The following AKAP8L variants were observed in gnomAD, a reference collection of about 807,000 sequenced individuals.
AKAP8L encodes the protein A-kinase anchor protein 8-like.
Under a neutral mutation model 77.5 loss-of-function variants are expected in AKAP8L, and 34 were observed. That is an observed-to-expected ratio of 0.44 (90% CI 0.33 to 0.58). AKAP8L has a LOEUF of 0.58. Among genes scored for constraint, AKAP8L ranks in the 20% least tolerant of loss-of-function variants. The pLI is 0.02. For missense variants in AKAP8L, 806 were observed against 887.6 expected, an observed-to-expected ratio of 0.91 and a Z score of 1.17; for synonymous variants, 342 against 340.7, an observed-to-expected ratio of 1.00 and a Z score of -0.04.
At chr19:15,416,055 G>C (rs1968201680) in intron 1 of AKAP8L, among the ~76,000 whole-genome samples, 1 of 151,816 alleles carries the variant, frequency 6.6e-6, no homozygotes, top group Non-Finnish European at 1.5e-5. Flanking sequence ...TCAAACTCCT[G>C]GCCTCAAGCA....
intron 1 of AKAP8L, among the ~76,000 whole-genome samples, chr19:15,418,250 T>C (rs1968247387): frequency 6.6e-6 from 1 of 152,230 alleles, no homozygotes; most frequent in East Asian, 1.9e-4. Flanking sequence ...AATTCTTGTC[T>C]GTATTCCCAA....
intron 12 of AKAP8L, among the ~76,000 whole-genome samples, chr19:15,386,307 G>T (rs923770831): frequency 1.3e-5 from 2 of 152,172 alleles, no homozygotes; most frequent in Admixed American, 1.3e-4. Context: ...GGTTTAAGAA[G>T]CTTCCTAAAT....
Position 15,401,684 on chromosome 19 carries a change from C to A in AKAP8L, c.363-81G>T. 6.8e-6 allele frequency: 8 copies of A among 1,175,022 alleles called. No individual in the cohort carries two copies. Among genetic ancestry groups the A allele is most frequent in the Non-Finnish European group, 9.5e-6 (8 of 844,134 alleles). The allele number at this position is 1,175,022 out of a possible 1,614,324, so 72.8% of individuals were successfully genotyped here. On this transcript the variant is annotated intron_variant, in intron 4 of 13. Transcript: ENST00000397410. This position sits in a 1 kb window ranked among gnomAD's most constrained non-coding sequence, Gnocchi z 6.2. ...GGCAACTGCTCCTGCCCTCCCCAATCTCCCAGTCCAGCACCCACCCTGCCC... is the reference window on the plus strand; with the variant it reads ...GGCAACTGCTCCTGCCCTCCCCAATATCCCAGTCCAGCACCCACCCTGCCC...
At chr19:15,383,370 T>C (rs1368173338) in intron 12 of AKAP8L, 1 of 152,126 alleles carries the variant, frequency 6.6e-6, no homozygotes, top group Non-Finnish European at 1.5e-5. Context: ...CCACCATGCT[T>C]GGCTAATTTT....
At chr19:15,416,088 A>G (rs959378935) in intron 1 of AKAP8L, among the ~76,000 whole-genome samples, 12 of 151,992 alleles carry the variant, frequency 7.9e-5, no homozygotes, top group African/African-American at 2.9e-4. Context: ...CGGCCTCCCA[A>G]AGTGTTGTGA....
At chr19:15,400,549 T>TTTAA (rs1967871855) in intron 7 of AKAP8L, 191 bp from the exon 8 acceptor site, 1 of 721,982 alleles carries the variant, frequency 1.4e-6, no homozygotes, top group East Asian at 2.7e-5. Context: ...AAGGCCCGGC[T>TTTAA]ATGTGCCAGA....
At chr19:15,412,356 T>G (rs940077038) in intron 1 of AKAP8L, among the ~76,000 whole-genome samples, 92 of 152,042 alleles carry the variant, frequency 6.1e-4, no homozygotes, top group African/African-American at 2.2e-3. Context: ...CACTCAAGCC[T>G]GGGTAATAGA....
chr19:15,407,816 T>C lies in AKAP8L; in HGVS notation c.88+2704A>G, dbSNP rs535316988. 2.6e-3 allele frequency among the ~76,000 whole-genome samples: 390 copies of C among 152,348 alleles called. 1 individual carries two copies. Among genetic ancestry groups the C allele is most frequent in the Non-Finnish European group, 4.5e-3 (307 of 68,038 alleles). Reference sequence around the variant, plus strand: ...AATTTTCTCAAACTAATCTATAGATTCTACAGATTTGATAGATCTATAGAT... The same window carrying C: ...AATTTTCTCAAACTAATCTATAGATCCTACAGATTTGATAGATCTATAGAT... On this transcript the variant is annotated intron_variant, in intron 2 of 13. Coordinates refer to ENST00000397410, the MANE Select transcript of AKAP8L (RefSeq NM_014371.4).
intron 2 of AKAP8L, among the ~76,000 whole-genome samples, chr19:15,406,302 A>G (rs1016822882): frequency 7.4e-5 from 11 of 149,158 alleles, no homozygotes; most frequent in African/African-American, 2.7e-4. Flanking sequence ...CTGAAAGAAC[A>G]CCCCAACTCA....
chr19:15,417,805 A>G (rs1181549669), intron 1 of AKAP8L: 1 of 152,210 alleles, frequency 6.6e-6, no homozygotes, highest in South Asian at 2.1e-4. Context: ...CCCTCACCAA[A>G]CAGGGAGGCC....
At chr19:15,390,202 G>A (rs937579294) in intron 12 of AKAP8L, among the ~76,000 whole-genome samples, 1 of 152,036 alleles carries the variant, frequency 6.6e-6, no homozygotes, top group Admixed American at 6.6e-5. Context: ...GATCGCTTGA[G>A]TCCAGAAATT....
intron 1 of AKAP8L, among the ~76,000 whole-genome samples, chr19:15,414,247 G>T (rs1157380686): frequency 6.6e-6 from 1 of 151,488 alleles, no homozygotes; most frequent in African/African-American, 2.4e-5. Context: ...AGTAGAGACG[G>T]GTTTTCTCCA....
At chr19:15,394,010 T>C (rs1282639186) in intron 12 of AKAP8L, among the ~76,000 whole-genome samples, 2 of 152,186 alleles carry the variant, frequency 1.3e-5, no homozygotes, top group Non-Finnish European at 2.9e-5. Flanking sequence ...CACAGTCACT[T>C]TGGAAAATAG....
intron 12 of AKAP8L, among the ~76,000 whole-genome samples, chr19:15,395,718 C>T (rs1398592189): frequency 6.6e-6 from 1 of 150,532 alleles, no homozygotes; most frequent in Admixed American, 6.6e-5. Context: ...GGCGCGGTGG[C>T]TCACGCCTGT....
chr19:15,402,327 C>T (rs1393654414), intron 4 of AKAP8L, among the ~76,000 whole-genome samples: 6 of 152,162 alleles, frequency 3.9e-5, no homozygotes, highest in Admixed American at 6.5e-5. Flanking sequence ...GACTGCAGCC[C>T]GCAGCCCACA....
chr19:15,397,730 G>A lies in AKAP8L; in HGVS notation c.1283C>T (p.Thr428Met), dbSNP rs763187900. ...AAGGCTCACCTGCAGAAAGTCAGCCGTCTGCTTAGGGAGCTTGGTGCCTAC... is the reference window on the plus strand; with the variant it reads ...AAGGCTCACCTGCAGAAAGTCAGCCATCTGCTTAGGGAGCTTGGTGCCTAC... ...KYVGTKLPKQ[T>M]ADFLQEYVTN... The change falls in exon 10 of 14, where the codon ACG becomes ATG. Residue 428 changes from threonine to methionine, a missense_variant. Transcript: ENST00000397410. This position sits in a 1 kb window ranked among gnomAD's most constrained non-coding sequence, Gnocchi z 4.7. The A allele has an allele frequency of 1.9e-5, 31 of 1,613,892 alleles. No individual in the cohort carries two copies. Among genetic ancestry groups the A allele is most frequent in the Admixed American group, 1.7e-5 (1 of 60,000 alleles).
intron 12 of AKAP8L, among the ~76,000 whole-genome samples, chr19:15,394,542 T>C (rs1187735627): frequency 6.6e-6 from 1 of 152,076 alleles, no homozygotes; most frequent in Non-Finnish European, 1.5e-5. Context: ...GTTTTTTTTT[T>C]CATTTGTTTG....
intron 1 of AKAP8L, 22 bp downstream of exon 1, chr19:15,418,889 G>T (rs1244120356): frequency 1.3e-6 from 2 of 1,598,826 alleles, no homozygotes; most frequent in Admixed American, 1.7e-5. Context: ...CGCAGAGCCC[G>T]ACCCCACCCT....
At chr19:15,385,880 T>A (rs1178339630) in intron 12 of AKAP8L, among the ~76,000 whole-genome samples, 2 of 151,904 alleles carry the variant, frequency 1.3e-5, no homozygotes, top group Non-Finnish European at 2.9e-5. Flanking sequence ...ATTACAGGTA[T>A]AAGCCACTAT....
Sources: allele counts gnomAD v4.1 joint callset (sites outside exome capture counted in the v4.1 genomes callset), GRCh38; gene constraint gnomAD v4.1.1; non-coding constraint Gnocchi (gnomAD v3.1); transcripts MANE v1.5; gene names NCBI Gene and HGNC (gene_info 2026-07-23, HGNC 2026-07-21).